CDH18: variants seen among roughly 807,000 people sequenced by gnomAD.
CDH18 encodes the protein cadherin-18.
In CDH18, 31 loss-of-function variants were observed where a neutral mutation model predicts 67.9. The ratio of observed to expected loss-of-function variants is 0.46; its 90% CI spans 0.34 to 0.62. The LOEUF (loss-of-function observed/expected upper bound fraction) is 0.62, where lower values mean the gene tolerates loss of function less well. Ranked by LOEUF, CDH18 falls within the 20% of genes least tolerant of loss-of-function variation. The probability of loss-of-function intolerance (pLI) is 0.01; values close to 1 mark genes in which losing one functional copy is unlikely to be tolerated. For missense variants in CDH18, 890 were observed against 975.5 expected, an observed-to-expected ratio of 0.91 and a Z score of 1.17; for synonymous variants, 362 against 347.2, an observed-to-expected ratio of 1.04 and a Z score of -0.48.
At chr5:20,074,079 G>C (rs994526206) in intron 2 of CDH18, among the ~76,000 whole-genome samples, 1 of 152,044 alleles carries the variant, frequency 6.6e-6, no homozygotes, top group Non-Finnish European at 1.5e-5. Flanking sequence ...TTTTTAAATT[G>C]TAGCAATTTG....
intron 1 of CDH18, among the ~76,000 whole-genome samples, chr5:20,402,697 G>A (rs1000429859): frequency 1.3e-5 from 2 of 151,956 alleles, no homozygotes; most frequent in Non-Finnish European, 2.9e-5. Flanking sequence ...CAATCTTTTC[G>A]CTGCAAAGGG....
At chr5:20,352,717 T>A (rs534506661) in intron 1 of CDH18, among the ~76,000 whole-genome samples, 5 of 151,588 alleles carry the variant, frequency 3.3e-5, no homozygotes, top group African/African-American at 9.7e-5. Context: ...GGTGTGAACC[T>A]AGGAGGCAGA....
chr5:20,095,596 G>GAAAGAAAGAAAGAAAGAAAGAAGA, intron 2 of CDH18, among the ~76,000 whole-genome samples: 1 of 10,994 alleles, frequency 9.1e-5, no homozygotes, highest in East Asian at 3.2e-3. Flanking sequence ...AAGGAAGAAA[G>GAAAGAAAGAAAGAAAGAAAGAAGA]AAGAAAGAAA....
chr5:20,222,938 C>T (rs1286196191), intron 2 of CDH18, among the ~76,000 whole-genome samples: 4 of 151,856 alleles, frequency 2.6e-5, no homozygotes, highest in African/African-American at 9.7e-5. Context: ...TCTATTTTGC[C>T]AAAGTAGTAA....
At chr5:20,305,669 G>C in intron 1 of CDH18, 1 of 486,686 alleles carries the variant, frequency 2.1e-6, no homozygotes, top group Non-Finnish European at 3.7e-6. Context: ...GGCGGTAGGG[G>C]AGATCCTCAC....
chr5:19,475,715 C>A (rs1487145138), intron 12 of CDH18, among the ~76,000 whole-genome samples: 1 of 151,970 alleles, frequency 6.6e-6, no homozygotes, highest in Non-Finnish European at 1.5e-5. Flanking sequence ...TACCTATATA[C>A]AGATATAGAT....
intron 5 of CDH18, among the ~76,000 whole-genome samples, chr5:19,686,865 G>T (rs2150405659): frequency 6.6e-6 from 1 of 152,248 alleles, no homozygotes; most frequent in African/African-American, 2.4e-5. Flanking sequence ...TTGAGAATTT[G>T]TGAAGGAAAC....
In CDH18 at chr5:19,483,411, C is replaced by G; in HGVS notation, c.1772G>C (p.Cys591Ser). The G allele has an allele frequency of 6.2e-7, 1 of 1,614,072 alleles. No homozygotes were observed. The highest frequency in any genetic ancestry group is 8.5e-7 in the Non-Finnish European group (1 of 1,180,004). Residue 591 changes from cysteine to serine, a missense_variant, in exon 12 of 13, where the codon TGC becomes TCC. Around this residue, in one of 2 missense-constraint regions of CDH18, gnomAD observed 656 missense variants for 668.1 expected, o/e 0.98. Coordinates refer to ENST00000382275, the MANE Select transcript of CDH18 (RefSeq NM_004934.5). ...GGTCCGCACACGCCCATCTCTCTCGCATGCACAAACCCTGATGGTGAGGGT... is the reference window on the plus strand; with the variant it reads ...GGTCCGCACACGCCCATCTCTCTCGGATGCACAAACCCTGATGGTGAGGGT... ...SSTLTIRVCA[C>S]ERDGRVRTCH... is the part of the protein sequence containing the mutation.
At chr5:20,381,528 C>T (rs1743905712) in intron 1 of CDH18, among the ~76,000 whole-genome samples, 1 of 152,078 alleles carries the variant, frequency 6.6e-6, no homozygotes, top group Non-Finnish European at 1.5e-5. Context: ...ATATATTTAA[C>T]TTTTAAAATT....
At chr5:19,878,059 C>T (rs1159237627) in intron 2 of CDH18, 1 of 151,966 alleles carries the variant, frequency 6.6e-6, no homozygotes, top group East Asian at 1.9e-4. Context: ...GTTGTAGAAC[C>T]AAGGGTTCAA....
intron 2 of CDH18, among the ~76,000 whole-genome samples, chr5:20,072,479 A>T (rs537265760): frequency 1.3e-5 from 2 of 152,170 alleles, no homozygotes; most frequent in African/African-American, 4.8e-5. Context: ...TCATTGTAGT[A>T]ACAACTGAAA....
At chr5:19,842,892 T>C (rs1782500478) in intron 2 of CDH18, among the ~76,000 whole-genome samples, 1 of 152,144 alleles carries the variant, frequency 6.6e-6, no homozygotes. Context: ...AAGGTCACTC[T>C]TGCTATGTTT....
chr5:19,971,971 A>G (rs1353337935), intron 2 of CDH18, among the ~76,000 whole-genome samples: 11 of 152,046 alleles, frequency 7.2e-5, no homozygotes, highest in Admixed American at 2.6e-4. Context: ...ATATAAAGGG[A>G]AACCTAGTTT....
intron 1 of CDH18, among the ~76,000 whole-genome samples, chr5:20,479,684 C>T (rs1192742521): frequency 6.6e-6 from 1 of 151,936 alleles, no homozygotes; most frequent in Non-Finnish European, 1.5e-5. Flanking sequence ...CCTTATTGGC[C>T]TGATGAGGTA....
intron 2 of CDH18, among the ~76,000 whole-genome samples, chr5:20,041,697 G>A (rs1740432598): frequency 6.6e-6 from 1 of 152,086 alleles, no homozygotes; most frequent in South Asian, 2.1e-4. Context: ...TAAAAATTTT[G>A]AGAAACTCAT....
chr5:19,790,949 T>C (rs1234402122), intron 3 of CDH18, among the ~76,000 whole-genome samples: 1 of 152,102 alleles, frequency 6.6e-6, no homozygotes. Flanking sequence ...CAAGAACGAT[T>C]CTCAGGTGTG....
chr5:20,304,455 A>T, intron 1 of CDH18: 1 of 1,530,792 alleles, frequency 6.5e-7, no homozygotes, highest in Non-Finnish European at 9.1e-7. Context: ...CCACCTTTGC[A>T]TTCACCACTG....
At chr5:20,028,397 A>G (rs974953376) in intron 2 of CDH18, among the ~76,000 whole-genome samples, 2 of 152,218 alleles carry the variant, frequency 1.3e-5, no homozygotes, top group Non-Finnish European at 2.9e-5. Context: ...GTGTAATATA[A>G]CACACATGTA....
At chr5:20,187,796 T>C (rs973422161) in intron 2 of CDH18, among the ~76,000 whole-genome samples, 7 of 151,978 alleles carry the variant, frequency 4.6e-5, no homozygotes, top group Admixed American at 3.3e-4. Flanking sequence ...ATTGTTTGCA[T>C]ATAAAAGGAA....
Sources: allele counts gnomAD v4.1 joint callset (sites outside exome capture counted in the v4.1 genomes callset), GRCh38; gene constraint gnomAD v4.1.1; regional missense constraint gnomAD v4.1.1; transcripts MANE v1.5; gene names NCBI Gene and HGNC (gene_info 2026-07-23, HGNC 2026-07-21).